Variants in ATR observed in about 807,000 individuals in gnomAD.
ATR encodes serine/threonine-protein kinase ATR.
A neutral mutation model predicts 305.3 loss-of-function variants in ATR; 142 were observed. That is an observed-to-expected ratio of 0.47 (90% CI 0.41 to 0.53). The LOEUF (loss-of-function observed/expected upper bound fraction) is 0.53. Ranked by LOEUF, ATR falls within the 20% of genes least tolerant of loss-of-function variation. The pLI, the probability that ATR is intolerant of heterozygous loss-of-function variation, is 0.00. For missense variants in ATR, 2,135 were observed against 3,133.1 expected, an observed-to-expected ratio of 0.68 and a Z score of 7.60; for synonymous variants, 1,050 against 1,068.1, an observed-to-expected ratio of 0.98 and a Z score of 0.33.
intron 5 of ATR, 28 bp from the exon 6 acceptor site, chr3:142,560,482 A>G (rs2108483587): frequency 6.4e-7 from 1 of 1,552,988 alleles, no homozygotes. Flanking sequence ...GTAGAGAGAT[A>G]TTCATATGCA....
intron 36 of ATR, among the ~76,000 whole-genome samples, chr3:142,484,844 G>T (rs1047758712): frequency 6.6e-6 from 1 of 152,140 alleles, no homozygotes; most frequent in Non-Finnish European, 1.5e-5. Context: ...CACATCTTTG[G>T]TCATGTAAGT....
chr3:142,499,862 C>G, intron 30 of ATR, 144 bp from the exon 31 acceptor site: 4 of 694,480 alleles, frequency 5.8e-6, no homozygotes, highest in Non-Finnish European at 9.3e-6. Flanking sequence ...AAATAATTAT[C>G]TCTATCCAGA....
intron 24 of ATR, among the ~76,000 whole-genome samples, 176 bp downstream of exon 24, chr3:142,519,493 C>A (rs1204718734): frequency 1.3e-5 from 2 of 151,730 alleles, no homozygotes; most frequent in Non-Finnish European, 2.9e-5. Context: ...GTAGAGATGG[C>A]GTTTCACCAT....
chr3:142,472,128 A>AGTGT (rs2071295308), intron 36 of ATR: 2 of 107,968 alleles, frequency 1.9e-5, no homozygotes, highest in Non-Finnish European at 3.9e-5. Flanking sequence ...TGTGTGTATA[A>AGTGT]GTATACATAC....
intron 6 of ATR, among the ~76,000 whole-genome samples, chr3:142,559,692 C>A (rs2086366206): frequency 6.6e-6 from 1 of 152,020 alleles, no homozygotes; most frequent in South Asian, 2.1e-4. Flanking sequence ...TCACTTGAGC[C>A]CAGGAGTTTG....
At chr3:142,522,034 C>T (rs766789409) in intron 23 of ATR, among the ~76,000 whole-genome samples, 6 of 152,166 alleles carry the variant, frequency 3.9e-5, no homozygotes, top group African/African-American at 7.2e-5. Flanking sequence ...TGGCAAACTT[C>T]GTTGTCTGAT....
At chr3:142,475,175 G>T (rs1332623868) in intron 36 of ATR, among the ~76,000 whole-genome samples, 1 of 152,096 alleles carries the variant, frequency 6.6e-6, no homozygotes, top group East Asian at 1.9e-4. Context: ...GTATACATGT[G>T]CCATGTTGGT....
In ATR at chr3:142,524,092, C is replaced by G; in HGVS notation, c.4053G>C (p.Arg1351=). The change falls in exon 22 of 47, where the codon CGG becomes CGC. Residue 1351 remains arginine (R), a synonymous_variant. Coordinates refer to ENST00000350721, the MANE Select transcript of ATR (RefSeq NM_001184.4). ...CCCCTAAACATTCCCCACAGAGCAA[C>G]CGAGCTTGAGAGTTTGCATCTTGGC... is the stretch of plus-strand genomic sequence containing the variant. ...KGCQDANSQA[R]LLCGECLGEL... 6.2e-7 allele frequency: 1 copy of G among 1,614,042 alleles called. No individual in the cohort carries two copies. The highest frequency in any genetic ancestry group is 8.5e-7 in the Non-Finnish European group (1 of 1,179,946).
At chr3:142,509,608 G>A (rs2032442464) in intron 27 of ATR, among the ~76,000 whole-genome samples, 1 of 126,834 alleles carries the variant, frequency 7.9e-6, no homozygotes, top group Non-Finnish European at 1.6e-5. Context: ...CCAGGCTGGA[G>A]TGCAGGGGTG....
chr3:142,496,329 T>A (rs11719960), intron 34 of ATR, 32 bp downstream of exon 34: 13 of 406,912 alleles, frequency 3.2e-5, no homozygotes, highest in East Asian at 1.4e-4. Flanking sequence ...TATATATATA[T>A]ATATATATGA....
rs1553758692 is a variant in ATR, at chr3:142,496,322, A to ATG, written c.5898+38_5898+39insCA. ...TATATATATATATATATATATATAT[A>ATG]TATATATATATATATGATGACATTT... On this transcript the variant is annotated intron_variant, in intron 34 of 46. Coordinates refer to ENST00000350721, the MANE Select transcript of ATR (RefSeq NM_001184.4). 9 of 246,606 alleles carry ATG rather than the reference A, an allele frequency of 3.6e-5. 2 individuals are homozygous for ATG. The African/African-American group carries it at 7.1e-4, about 19-fold the overall frequency. The allele number at this position is 246,606 out of a possible 1,614,324, so 15.3% of individuals were successfully genotyped here.
At chr3:142,517,211 C>T (rs560173082) in intron 24 of ATR, among the ~76,000 whole-genome samples, 1 of 151,702 alleles carries the variant, frequency 6.6e-6, no homozygotes, top group Admixed American at 6.6e-5. Flanking sequence ...TCTGCCTAGT[C>T]ATAACCTGAT....
At chr3:142,576,526 C>A (rs6782400) in intron 1 of ATR, among the ~76,000 whole-genome samples, 95,647 of 152,012 alleles carry the variant, frequency 0.63, 31,122 homozygotes, top group African/African-American at 0.8. Context: ...GTTTGGAGAA[C>A]TAAGTGAATA....
chr3:142,455,702 G>A (rs2070890557), intron 45 of ATR, among the ~76,000 whole-genome samples: 1 of 152,138 alleles, frequency 6.6e-6, no homozygotes, highest in Non-Finnish European at 1.5e-5. Context: ...AAATGAATAT[G>A]GACCCCTACC....
chr3:142,553,538 TATA>T (rs1211301841), intron 12 of ATR, 99 bp downstream of exon 12: 1 of 1,453,690 alleles, frequency 6.9e-7, no homozygotes, highest in African/African-American at 1.4e-5. Flanking sequence ...ACATTTTGTC[TATA>T]ATATCACAAA....
At chr3:142,498,444 A>T (rs557630685) in intron 32 of ATR, among the ~76,000 whole-genome samples, 153 bp downstream of exon 32, 32 of 152,328 alleles carry the variant, frequency 2.1e-4, no homozygotes, top group Non-Finnish European at 3.5e-4. Flanking sequence ...TTTTAACTGT[A>T]GGGTGATTGT....
intron 27 of ATR, among the ~76,000 whole-genome samples, chr3:142,509,040 A>C (rs964290367): frequency 6.6e-6 from 1 of 152,142 alleles, no homozygotes; most frequent in Admixed American, 6.5e-5. Flanking sequence ...AAAACTTCTA[A>C]ATGAGGACAG....
At position 142,481,753 on chromosome 3, in the gene ATR, A is replaced by G. The variant is rs1194495926; in HGVS notation, c.6221+3387T>C. On this transcript the variant is annotated intron_variant, in intron 36 of 46. Coordinates refer to ENST00000350721, the MANE Select transcript of ATR (RefSeq NM_001184.4). ...AATCCTTCCATTTCAGCATCCCAAA[A>G]TTCTGGGATTACAGGCATTAATCAC... Among the ~76,000 whole-genome samples, 3 of 151,796 alleles carry G rather than the reference A, an allele frequency of 2.0e-5. No homozygotes were observed. The East Asian group carries it at 5.8e-4, about 29-fold the overall frequency.
intron 36 of ATR, among the ~76,000 whole-genome samples, chr3:142,476,018 C>A (rs189041057): frequency 3.9e-5 from 6 of 152,126 alleles, no homozygotes; most frequent in South Asian, 4.1e-4. Context: ...GAGTAGATTG[C>A]AAAAATTTTC....
Sources: gnomAD v4.1 joint callset for allele counts (sites outside exome capture counted in the v4.1 genomes callset) on GRCh38, gnomAD v4.1.1 for gene constraint, MANE v1.5 for transcripts, NCBI Gene and HGNC (gene_info 2026-07-23, HGNC 2026-07-21) for gene names.